The following SRRM2 variants were observed in gnomAD, a reference collection of about 807,000 sequenced individuals.
SRRM2 encodes serine/arginine repetitive matrix 2.
Under a neutral mutation model 213.8 loss-of-function variants are expected in SRRM2, and 30 were observed. The observed-to-expected ratio is 0.14, with a 90% CI of 0.10 to 0.19. The LOEUF is 0.19. Ranked by LOEUF, SRRM2 falls within the 10% of genes least tolerant of loss-of-function variation. The pLI is 1.00. For synonymous variants in SRRM2, 2,025 were observed against 1,377.7 expected, an observed-to-expected ratio of 1.47 and a Z score of -10.40; for missense variants, 4,904 against 3,647.0, an observed-to-expected ratio of 1.34 and a Z score of -8.88.
At chr16:2,755,878 C>G (rs2068123384) in intron 1 of SRRM2, among the ~76,000 whole-genome samples, 1 of 152,140 alleles carries the variant, frequency 6.6e-6, no homozygotes, top group African/African-American at 2.4e-5. Flanking sequence ...TGCCACAGAT[C>G]TGTGTCTGGT....
rs571778415 is a variant in SRRM2, at chr16:2,762,138, C to T, written c.1610C>T (p.Pro537Leu). ...CAGCGACGTGGCCGCTCTAGGTCTC[C>T]TCAGCGACCAGGCTGGTCTAGGAGC... ...SPQRRGRSRS[P>L]QRPGWSRSRN... Residue 537 changes from proline (P) to leucine (L), a missense_variant, in exon 11 of 15, where the codon CCT (proline) becomes CTT (leucine). Coordinates refer to ENST00000301740, the MANE Select transcript of SRRM2 (RefSeq NM_016333.4). The T allele has an allele frequency of 2.5e-5, 41 of 1,613,732 alleles. No homozygotes were observed. The highest frequency in any genetic ancestry group is 3.2e-5 in the Non-Finnish European group (38 of 1,179,902).
chr16:2,763,830 C>T lies in SRRM2; in HGVS notation c.3302C>T (p.Ser1101Phe). The T allele has an allele frequency of 1.9e-6, 3 of 1,614,196 alleles. No homozygotes were observed. Among genetic ancestry groups the T allele is most frequent in the Non-Finnish European group, 2.5e-6 (3 of 1,180,034 alleles). Residue 1101 changes from serine to phenylalanine, a missense_variant, in exon 11 of 15, where the codon TCT becomes TTT. Coordinates refer to ENST00000301740, the MANE Select transcript of SRRM2 (RefSeq NM_016333.4). ...QTSPKGGRSRSSSPVTELASR... is the reference protein window; with the variant it reads ...QTSPKGGRSRFSSPVTELASR... ...TCACCTAAGGGAGGTCGGTCCAGGT[C>T]TTCATCTCCAGTCACTGAGCTGGCA...
At chr16:2,754,954 A>G (rs1201127403) in intron 1 of SRRM2, among the ~76,000 whole-genome samples, 2 of 152,124 alleles carry the variant, frequency 1.3e-5, no homozygotes, top group Non-Finnish European at 2.9e-5. Context: ...ATGCGCTAGT[A>G]TATTTTTCCA....
chr16:2,755,351 G>T (rs1053211904), intron 1 of SRRM2, among the ~76,000 whole-genome samples: 4 of 152,174 alleles, frequency 2.6e-5, no homozygotes, highest in Non-Finnish European at 5.9e-5. Flanking sequence ...CTATCCAGGG[G>T]ATTGGTGGGG....
intron 2 of SRRM2, 70 bp downstream of exon 2, chr16:2,756,676 AG>A: frequency 6.5e-7 from 1 of 1,527,396 alleles, no homozygotes; most frequent in Admixed American, 2.1e-5. Context: ...TGGGATGTAT[AG>A]GGAGCTTAGG....
chr16:2,765,188 C>G lies in SRRM2; in HGVS notation c.4660C>G (p.Gln1554Glu). Reference protein sequence around the residue: ...ELDVKPSASPQERSESDSSPD... With the variant: ...ELDVKPSASPEERSESDSSPD... Reference sequence around the variant, plus strand: ...TGATGTGAAACCCAGTGCATCCCCTCAGGAAAGAAGTGAGTCAGACTCTTC... The same window carrying G: ...TGATGTGAAACCCAGTGCATCCCCTGAGGAAAGAAGTGAGTCAGACTCTTC... Residue 1554 changes from glutamine (Q) to glutamate (E), a missense_variant, in exon 11 of 15, where the codon CAG becomes GAG. Physicochemically the swap from Gln to Glu is conservative, Grantham distance 29. Transcript: ENST00000301740. 6.2e-7 allele frequency: 1 copy of G among 1,614,200 alleles called. No individual in the cohort carries two copies. The highest frequency in any genetic ancestry group is 8.5e-7 in the Non-Finnish European group (1 of 1,180,036).
rs767836365 is a variant in SRRM2, at chr16:2,766,883, C to T, written c.6355C>T (p.Arg2119Cys). ...CAGTTCCAGAATGAGCTGCTTCAGTCGTCCTAGCATGTCCCCAACACCTCT... is the reference window on the plus strand; with the variant it reads ...CAGTTCCAGAATGAGCTGCTTCAGTTGTCCTAGCATGTCCCCAACACCTCT... ...LNSSRMSCFS[R>C]PSMSPTPLDR... The change falls in exon 11 of 15, where the codon CGT (arginine) becomes TGT (cysteine). Residue 2119 changes from arginine (R) to cysteine (C), a missense_variant. By Grantham distance (180) the Arg-to-Cys change is radical (BLOSUM62 -3). Coordinates refer to ENST00000301740, the MANE Select transcript of SRRM2 (RefSeq NM_016333.4). The surrounding 1 kb of genome is among the most constrained non-coding windows in gnomAD (Gnocchi z 7.0). 7 of 1,613,972 alleles carry T rather than the reference C, an allele frequency of 4.3e-6. No homozygotes were observed. The highest frequency in any genetic ancestry group is 1.7e-5 in the Admixed American group (1 of 60,008).
In SRRM2 at chr16:2,767,569, A is replaced by G. The variant is rs1268530487; in HGVS notation, c.7041A>G (p.Thr2347=). The G allele has an allele frequency of 1.2e-6, 2 of 1,614,138 alleles. No homozygotes were observed. Among genetic ancestry groups the G allele is most frequent in the Non-Finnish European group, 1.7e-6 (2 of 1,180,016 alleles). The change falls in exon 11 of 15, where the codon ACA becomes ACG. Residue 2347 remains threonine (T), a synonymous_variant. Coordinates refer to ENST00000301740, the MANE Select transcript of SRRM2 (RefSeq NM_016333.4). Reference sequence around the variant, plus strand: ...TGGGTCCTCGGTCTGCACATGCCACAGCTCCTGTGAATATTGCCGGCTCCA... The same window carrying G: ...TGGGTCCTCGGTCTGCACATGCCACGGCTCCTGTGAATATTGCCGGCTCCA... ...NLVGPRSAHA[T]APVNIAGSRT...
Position 2,764,953 on chromosome 16 carries a change from A to T in SRRM2, c.4425A>T (p.Arg1475Ser). ...GMKDIPRTPS[R>S]GRSECDSSPE... Reference sequence around the variant, plus strand: ...AAGATATACCTAGAACGCCATCTAGAGGGAGAAGCGAATGTGATTCTTCCC... The same window carrying T: ...AAGATATACCTAGAACGCCATCTAGTGGGAGAAGCGAATGTGATTCTTCCC... The change falls in exon 11 of 15, where the codon AGA (arginine) becomes AGT (serine). Residue 1475 changes from arginine to serine, a missense_variant. Arg to Ser is a moderately radical substitution (Grantham distance 110). Transcript: ENST00000301740. The T allele has an allele frequency of 1.2e-6, 2 of 1,614,154 alleles. No individual in the cohort carries two copies. Among genetic ancestry groups the T allele is most frequent in the Non-Finnish European group, 1.7e-6 (2 of 1,180,038 alleles).
chr16:2,758,498 T>C lies in SRRM2; in HGVS notation c.544T>C (p.Ser182Pro). The change falls in exon 5 of 15, where the codon TCA becomes CCA. Residue 182 changes from serine to proline, a missense_variant. Transcript: ENST00000301740. ...SLVRESSSSRSPTPKQKKKKK... is the reference protein window; with the variant it reads ...SLVRESSSSRPPTPKQKKKKK... ...TGTTCGGGAGTCTAGCAGTTCTCGCTCACCAACCCCAAAGCAGAAGAAGAA... is the reference window on the plus strand; with the variant it reads ...TGTTCGGGAGTCTAGCAGTTCTCGCCCACCAACCCCAAAGCAGAAGAAGAA... The C allele has an allele frequency of 1.9e-6, 3 of 1,614,184 alleles. No homozygotes were observed. The highest frequency in any genetic ancestry group is 1.7e-6 in the Non-Finnish European group (2 of 1,180,042).
At position 2,767,105 on chromosome 16, in the gene SRRM2, G is replaced by A. The variant is rs758434750; in HGVS notation, c.6577G>A (p.Ala2193Thr). 2.5e-6 allele frequency: 4 copies of A among 1,614,128 alleles called. No homozygotes were observed. Among genetic ancestry groups the A allele is most frequent in the East Asian group, 2.2e-5 (1 of 44,882 alleles). The change falls in exon 11 of 15, where the codon GCT becomes ACT. Residue 2193 changes from alanine to threonine, a missense_variant. By Grantham distance (58) the Ala-to-Thr change is moderately conservative (BLOSUM62 0). Transcript: ENST00000301740. ...LALTAISLGTARPPPSMSAAG... is the reference protein window; with the variant it reads ...LALTAISLGTTRPPPSMSAAG... Reference sequence around the variant, plus strand: ...CCTGACAGCTATCAGTCTTGGCACCGCTCGGCCTCCTCCGTCCATGTCTGC... The same window carrying A: ...CCTGACAGCTATCAGTCTTGGCACCACTCGGCCTCCTCCGTCCATGTCTGC...
In SRRM2 at chr16:2,762,358, C is replaced by T. The variant is rs528582011; in HGVS notation, c.1830C>T (p.Ala610=). The change falls in exon 11 of 15, where the codon GCC becomes GCT. Residue 610 remains alanine, a synonymous_variant. Coordinates refer to ENST00000301740, the MANE Select transcript of SRRM2 (RefSeq NM_016333.4). ...GTAGGTCTCGGTCTAGAACACCAGC[C>T]CGGAGGGGCAGGTCTCGGTCTAGAA... ...TRRRSRSRTP[A]RRGRSRSRTP... is the part of the protein sequence containing the mutation. 5.6e-6 allele frequency: 9 copies of T among 1,611,818 alleles called. No homozygotes were observed. The African/African-American group carries it at 9.4e-5, about 17-fold the overall frequency.
rs534648564 is a variant in SRRM2 at position 2,762,914 on chromosome 16, C to T, written c.2386C>T (p.Arg796Cys). ...ACAAAAGTCACAGACACCACCCAGG[C>T]GCAGTCGCTCTGGATCCTCCCAACC... ...PKQKSQTPPR[R>C]SRSGSSQPKA... Residue 796 changes from arginine to cysteine, a missense_variant, in exon 11 of 15, where the codon CGC (arginine) becomes TGC (cysteine). By Grantham distance (180) the Arg-to-Cys change is radical. Transcript: ENST00000301740. The T allele has an allele frequency of 9.3e-6, 15 of 1,609,562 alleles. No homozygotes were observed. Among genetic ancestry groups the T allele is most frequent in the Middle Eastern group, 1.6e-4 (1 of 6,072 alleles).
rs1218715375 is a variant in SRRM2, at chr16:2,770,737, G to C, written c.8249+20G>C. ...CTCCAGGTGCGTGTCCTGGAAGGCT[G>C]ATGCCCCCTTCCGGGAGCCAGTTGT... On this transcript the variant is annotated intron_variant, in intron 14 of 14. Transcript: ENST00000301740. The C allele has an allele frequency of 1.9e-6, 3 of 1,581,518 alleles. No individual in the cohort carries two copies. The African/African-American group carries it at 4.0e-5, about 21-fold the overall frequency.
chr16:2,758,908 T>C, intron 5 of SRRM2, 77 bp from the exon 6 acceptor site: 6 of 1,555,288 alleles, frequency 3.9e-6, no homozygotes, highest in Non-Finnish European at 5.3e-6. Flanking sequence ...TAGAAACCTT[T>C]TTAGGAGAGA....
intron 1 of SRRM2, among the ~76,000 whole-genome samples, chr16:2,754,338 G>A (rs982995483): frequency 6.6e-6 from 1 of 151,816 alleles, no homozygotes; most frequent in African/African-American, 2.4e-5. Context: ...CTGTTGGCAG[G>A]CCGGAGTGCA....
chr16:2,766,911 A>C lies in SRRM2; in HGVS notation c.6383A>C (p.Asp2128Ala). 1 of 1,614,032 alleles carries C rather than the reference A, an allele frequency of 6.2e-7. No individual in the cohort carries two copies. Among genetic ancestry groups the C allele is most frequent in the Non-Finnish European group, 8.5e-7 (1 of 1,180,014 alleles). ...SRPSMSPTPL[D>A]RCRSPGMLEP... ...CCTAGCATGTCCCCAACACCTCTTG[A>C]TCGCTGCAGATCACCTGGAATGCTT... The change falls in exon 11 of 15, where the codon GAT becomes GCT. Residue 2128 changes from aspartate (D) to alanine (A), a missense_variant. Asp to Ala is a moderately radical substitution (Grantham distance 126). Coordinates refer to ENST00000301740, the MANE Select transcript of SRRM2 (RefSeq NM_016333.4). The surrounding 1 kb of genome is among the most constrained non-coding windows in gnomAD (Gnocchi z 7.0).
At chr16:2,760,569 A>G in intron 10 of SRRM2, 70 bp downstream of exon 10, 2 of 1,537,054 alleles carry the variant, frequency 1.3e-6, no homozygotes, top group Non-Finnish European at 1.8e-6. Context: ...TGTGATGTGA[A>G]AGGGAGAGGT....
rs561855791 is a variant in SRRM2, at chr16:2,767,900, C to G, written c.7372C>G (p.Gln2458Glu). 3 of 1,614,140 alleles carry G rather than the reference C, an allele frequency of 1.9e-6. No individual in the cohort carries two copies. The highest frequency in any genetic ancestry group is 3.3e-5 in the Admixed American group (2 of 60,020). ...RSPVPSAFSD[Q>E]SRCLIAQTTP... Reference sequence around the variant, plus strand: ...TCCTGTGCCTTCTGCTTTTTCAGACCAATCCCGTTGTTTGATTGCCCAGAC... The same window carrying G: ...TCCTGTGCCTTCTGCTTTTTCAGACGAATCCCGTTGTTTGATTGCCCAGAC... The change falls in exon 11 of 15, where the codon CAA becomes GAA. Residue 2458 changes from glutamine (Q) to glutamate (E), a missense_variant. Gln to Glu is a conservative substitution (Grantham distance 29). Transcript: ENST00000301740.
Sources: gnomAD v4.1 joint callset for allele counts (sites outside exome capture counted in the v4.1 genomes callset) on GRCh38, gnomAD v4.1.1 for gene constraint, Gnocchi (gnomAD v3.1) non-coding constraint, MANE v1.5 for transcripts, NCBI Gene and HGNC (gene_info 2026-07-23, HGNC 2026-07-21) for gene names.